TFRC: variants seen among roughly 807,000 people sequenced by gnomAD.
TFRC encodes transferrin receptor.
A neutral mutation model predicts 85.8 loss-of-function variants in TFRC; 35 were observed. The observed-to-expected ratio is 0.41, with a 90% CI of 0.31 to 0.54. The LOEUF (loss-of-function observed/expected upper bound fraction) is 0.54, where lower values mean the gene tolerates loss of function less well. Ranked by LOEUF, TFRC falls within the 20% of genes least tolerant of loss-of-function variation. The pLI is 0.31. For synonymous variants in TFRC, 362 were observed against 328.6 expected (o/e 1.10, Z -1.10); for missense variants, 828 against 921.5 (o/e 0.90, Z 1.31).
At chr3:196,062,968 G>T (rs760650788) in intron 11 of TFRC, 29 bp from the exon 12 acceptor site, 1 of 1,588,998 alleles carries the variant, frequency 6.3e-7, no homozygotes, top group Non-Finnish European at 8.6e-7. Flanking sequence ...AGCTTTACCT[G>T]AGGAAAGGTT....
At chr3:196,064,233 T>TGAGCAAA in intron 11 of TFRC, 76 bp downstream of exon 11, 1 of 1,408,292 alleles carries the variant, frequency 7.1e-7, no homozygotes, top group Non-Finnish European at 9.3e-7. Context: ...GCAGGCAAAG[T>TGAGCAAA]GAGCAAAGCA....
Position 196,055,213 on chromosome 3 carries a change from G to A in TFRC, c.1766C>T (p.Ala589Val), listed in dbSNP as rs1249264523. 1.2e-6 allele frequency: 2 copies of A among 1,614,202 alleles called. No homozygotes were observed. The highest frequency in any genetic ancestry group is 1.1e-5 in the South Asian group (1 of 91,084). ...GAACTGACCAGCGACCTCTGCAGCT[G>A]CTCGTGCCACTTTGTTCAACTCAGG... is the stretch of plus-strand genomic sequence containing the variant. ...RIPELNKVAR[A>V]AAEVAGQFVI... Residue 589 changes from alanine (A) to valine (V), a missense_variant, in exon 17 of 19, where the codon GCA (alanine) becomes GTA (valine). Transcript: ENST00000360110.
rs776032804 is a variant in TFRC, at chr3:196,075,292, A to G, written c.105T>C (p.His35=). 14 of 1,613,978 alleles carry G rather than the reference A, an allele frequency of 8.7e-6. No individual in the cohort carries two copies. In the South Asian group the frequency reaches 1.2e-4, roughly 14 times the overall value. Residue 35 remains histidine (H), a synonymous_variant, in exon 3 of 19, where the codon CAT becomes CAC. Transcript: ENST00000360110. ...CATCTACAGCAAGTTTCATCTCCAC[A>G]TGACTGTTATCGCCATCTACTTGCC... is the stretch of plus-strand genomic sequence containing the variant. ...LARQVDGDNS[H]VEMKLAVDEE...
intron 16 of TFRC, chr3:196,055,514 T>TTTCTTCCAGG: frequency 1.7e-6 from 1 of 589,294 alleles, no homozygotes; most frequent in East Asian, 2.8e-5. Context: ...GAGTGACTAC[T>TTTCTTCCAGG]TTCTTCCAGG....
intron 12 of TFRC, 104 bp downstream of exon 12, chr3:196,062,750 C>T: frequency 6.4e-7 from 1 of 1,552,390 alleles, no homozygotes; most frequent in Non-Finnish European, 8.8e-7. Flanking sequence ...AGACTAAACG[C>T]AAAGGCAAAA....
chr3:196,072,677 C>T (rs1718308549), intron 4 of TFRC: 1 of 150,272 alleles, frequency 6.7e-6, no homozygotes, highest in Non-Finnish European at 1.5e-5. Context: ...AAAGCATCAA[C>T]TAGATGAAGT....
At position 196,069,441 on chromosome 3, in the gene TFRC, T is replaced by C. The variant is rs749127135; in HGVS notation, c.801+14A>G. ...AAAAGTACTGTATTTAATATTATAA[T>C]AACTCATACTCACCTTTTCTGCAAA... On this transcript the variant is annotated intron_variant, in intron 7 of 18. Coordinates refer to ENST00000360110, the MANE Select transcript of TFRC (RefSeq NM_001128148.3). 87 of 1,456,026 alleles carry C rather than the reference T, an allele frequency of 6.0e-5. No individual in the cohort carries two copies. Among genetic ancestry groups the C allele is most frequent in the Non-Finnish European group, 8.1e-5 (84 of 1,041,802 alleles). 90.2% of individuals were successfully genotyped at this position (1,456,026 alleles called of 1,614,324 possible).
intron 16 of TFRC, among the ~76,000 whole-genome samples, chr3:196,057,387 C>G (rs1344025461): frequency 6.6e-6 from 1 of 152,126 alleles, no homozygotes; most frequent in Non-Finnish European, 1.5e-5. Flanking sequence ...CGCAGACTCC[C>G]TTAGTTGTAA....
At chr3:196,063,543 C>T (rs1206110988) in intron 11 of TFRC, 3 of 152,142 alleles carry the variant, frequency 2.0e-5, no homozygotes, top group Non-Finnish European at 4.4e-5. Flanking sequence ...GCAGTTTGCC[C>T]TAAGACCCAA....
chr3:196,061,688 C>T (rs1717296217), intron 13 of TFRC, among the ~76,000 whole-genome samples: 1 of 152,126 alleles, frequency 6.6e-6, no homozygotes, highest in South Asian at 2.1e-4. Context: ...CGGGGTTTCA[C>T]CATGTTGGCC....
In TFRC at chr3:196,064,373, T is replaced by A; in HGVS notation, c.1254A>T (p.Lys418Asn). ...ATAGGAGAGCTGTGCCTACACCGGATTTTGCAGCTCCAGGGCCCCATGCAT... is the reference window on the plus strand; with the variant it reads ...ATAGGAGAGCTGTGCCTACACCGGAATTTGCAGCTCCAGGGCCCCATGCAT... ...QRDAWGPGAAKSGVGTALLLK... is the reference protein window; with the variant it reads ...QRDAWGPGAANSGVGTALLLK... The change falls in exon 11 of 19, where the codon AAA (lysine) becomes AAT (asparagine). Residue 418 changes from lysine to asparagine, a missense_variant. Transcript: ENST00000360110. 6.2e-7 allele frequency: 1 copy of A among 1,613,808 alleles called. No homozygotes were observed. The highest frequency in any genetic ancestry group is 8.5e-7 in the Non-Finnish European group (1 of 1,179,908).
At chr3:196,065,289 T>C (rs1717622254) in intron 10 of TFRC, among the ~76,000 whole-genome samples, 154 bp downstream of exon 10, 1 of 146,854 alleles carries the variant, frequency 6.8e-6, no homozygotes, top group Non-Finnish European at 1.5e-5. Flanking sequence ...AACTAACACA[T>C]AAACAATTAA....
At chr3:196,062,323 G>C in intron 13 of TFRC, 1 of 410,736 alleles carries the variant, frequency 2.4e-6, no homozygotes, top group African/African-American at 2.1e-5. Flanking sequence ...CCTGAGGTCA[G>C]GAGTTCGAGA....
Position 196,065,462 on chromosome 3 carries a change from A to T in TFRC, c.1179T>A (p.Ile393=). ...EIKILNIFGV[I]KGFVEPDHYV... The stretch of plus-strand genomic sequence containing the variant: ...CTTTACCTGGTTCTACAAAGCCTTT[A>T]ATAACTCCAAAGATGTTAAGAATTT... The change falls in exon 10 of 19, where the codon ATT becomes ATA. Residue 393 remains isoleucine (I), a synonymous_variant. Transcript: ENST00000360110. 6.8e-7 allele frequency: 1 copy of T among 1,467,968 alleles called. No individual in the cohort carries two copies. The highest frequency in any genetic ancestry group is 9.3e-7 in the Non-Finnish European group (1 of 1,077,478). 90.9% of individuals were successfully genotyped at this position (1,467,968 alleles called of 1,614,324 possible). A position where few individuals can be genotyped will look rare whatever the true frequency, so the allele number is the denominator to read the frequency against.
rs1300462980 is a variant in TFRC at position 196,074,124 on chromosome 3, T to A, written c.240A>T (p.Gly80=). ...TIAVIVFFLI[G]FMIGYLGYCK... ...AATAGCCCAAGTAGCCAATCATAAA[T>A]CCTAAAGAGACAAAGTTCCAGAGCT... Residue 80 remains glycine (G), a splice_region_variant and synonymous_variant, in exon 4 of 19, where the codon GGA becomes GGT. Transcript: ENST00000360110. The A allele has an allele frequency of 3.1e-6, 5 of 1,608,396 alleles. No individual in the cohort carries two copies. In the South Asian group the frequency reaches 4.4e-5, roughly 14 times the overall value.
chr3:196,074,213 A>C, intron 3 of TFRC, 88 bp from the exon 4 acceptor site: 2 of 1,271,366 alleles, frequency 1.6e-6, no homozygotes, highest in Non-Finnish European at 2.2e-6. Flanking sequence ...GTAAGCCTTG[A>C]AAATACTGGT....
chr3:196,052,336 T>C (rs561312401), intron 18 of TFRC, 152 bp from the exon 19 acceptor site: 55 of 886,708 alleles, frequency 6.2e-5, no homozygotes, highest in Non-Finnish European at 8.8e-5. Flanking sequence ...TTCGCTCTTG[T>C]TGCCCAGACT....
chr3:196,051,855 G>C lies in TFRC; in HGVS notation c.*87C>G. 6.7e-7 allele frequency: 1 copy of C among 1,485,732 alleles called. No individual in the cohort carries two copies. The highest frequency in any genetic ancestry group is 1.3e-5 in the South Asian group (1 of 76,614). The allele number at this position is 1,485,732 out of a possible 1,614,324, so 92.0% of individuals were successfully genotyped here. On this transcript the variant is annotated 3_prime_UTR_variant, in exon 19 of 19. Coordinates refer to ENST00000360110, the MANE Select transcript of TFRC (RefSeq NM_001128148.3). ...GGATGGAATTTTAACATCAGGTTTT[G>C]TAGCCCTACTGAAAATTTAGCACGA...
intron 9 of TFRC, among the ~76,000 whole-genome samples, chr3:196,066,019 T>C (rs1231084371): frequency 6.8e-6 from 1 of 147,044 alleles, no homozygotes; most frequent in Non-Finnish European, 1.5e-5. Context: ...CAAAACAAAA[T>C]AAAAACAAAA....
Sources: gnomAD v4.1 joint callset for allele counts (sites outside exome capture counted in the v4.1 genomes callset) on GRCh38, gnomAD v4.1.1 for gene constraint, MANE v1.5 for transcripts, NCBI Gene and HGNC (gene_info 2026-07-23, HGNC 2026-07-21) for gene names.